KIFC3: variants seen among roughly 807,000 people sequenced by gnomAD.
KIFC3 encodes kinesin family member C3.
A neutral mutation model predicts 101.8 loss-of-function variants in KIFC3; 60 were observed. The observed-to-expected ratio is 0.59, with a 90% CI of 0.48 to 0.73. The LOEUF is 0.73. KIFC3 is among the 30% of genes least tolerant of loss of function. The probability of loss-of-function intolerance (pLI) is 0.00; values close to 1 mark genes in which losing one functional copy is unlikely to be tolerated. For missense variants in KIFC3, 966 were observed against 1,137.1 expected, an observed-to-expected ratio of 0.85 and a Z score of 2.16; for synonymous variants, 476 against 482.7, an observed-to-expected ratio of 0.99 and a Z score of 0.18.
chr16:57,798,625 G>T, intron 1 of KIFC3: 2 of 397,356 alleles, frequency 5.0e-6, no homozygotes, highest in Non-Finnish European at 9.2e-6. Flanking sequence ...CGAGTCAGCA[G>T]CATCTCCGTA....
At chr16:57,812,352 TAAAA>T (rs71152299) in intron 1 of KIFC3, among the ~76,000 whole-genome samples, 1 of 137,600 alleles carries the variant, frequency 7.3e-6, no homozygotes, top group African/African-American at 2.7e-5. Context: ...CCCCATCTCT[TAAAA>T]AAAAAAAAAA....
At chr16:57,772,198 C>A (rs183134030) in intron 4 of KIFC3, 25 bp downstream of exon 4, 2 of 1,608,238 alleles carry the variant, frequency 1.2e-6, no homozygotes, top group Non-Finnish European at 1.7e-6. Context: ...CCCTGCGCTA[C>A]CCCAGGACAG....
intron 3 of KIFC3, among the ~76,000 whole-genome samples, chr16:57,792,850 G>C (rs1300362647): frequency 9.3e-6 from 1 of 106,988 alleles, no homozygotes; most frequent in Non-Finnish European, 1.7e-5. Context: ...CTGGGCAACA[G>C]AGCCAGACCT....
Position 57,844,739 on chromosome 16 carries a change from G to A in KIFC3, c.108+17990C>T, listed in dbSNP as rs11861867. ...AACATGGTAGTCTGCAGCCCGTCTCGCTCTGACAGTCTATGGGAGCACAGT... is the reference window on the plus strand; with the variant it reads ...AACATGGTAGTCTGCAGCCCGTCTCACTCTGACAGTCTATGGGAGCACAGT... On this transcript the variant is annotated intron_variant, in intron 1 of 2. Coordinates refer to the KIFC3 transcript ENST00000563028. Among the ~76,000 whole-genome samples the A allele has an allele frequency of 3.2e-3, 486 of 152,188 alleles. 3 individuals carry two copies. The highest frequency in any genetic ancestry group is 0.01 in the African/African-American group (434 of 41,534).
At chr16:57,812,339 GC>G (rs1195655121) in intron 1 of KIFC3, among the ~76,000 whole-genome samples, 1 of 127,656 alleles carries the variant, frequency 7.8e-6, no homozygotes, top group Non-Finnish European at 1.7e-5. Context: ...ACTGCGCCCA[GC>G]CCCCCATCTC....
In KIFC3 at chr16:57,770,710, G is replaced by A. The variant is rs1194049420; in HGVS notation, c.766-10C>T. ...CTGTCTTGATGACATACTGCAGGGT[G>A]AGGGAGGAATGGCACGTGGAGCCAG... is the stretch of plus-strand genomic sequence containing the variant. On this transcript the variant is annotated splice_polypyrimidine_tract_variant and intron_variant, in intron 6 of 19. Coordinates refer to ENST00000445690, the MANE Select transcript of KIFC3 (RefSeq NM_001130100.2). 1 of 1,451,832 alleles carries A rather than the reference G, an allele frequency of 6.9e-7. No individual in the cohort carries two copies. The highest frequency in any genetic ancestry group is 9.1e-7 in the Non-Finnish European group (1 of 1,095,910). 89.9% of individuals were successfully genotyped at this position (1,451,832 alleles called of 1,614,324 possible).
Position 57,798,423 on chromosome 16 carries a change from C to G in KIFC3, c.-39-141G>C. The G allele has an allele frequency of 6.7e-6, 5 of 740,964 alleles. 1 individual carries two copies. The South Asian group carries it at 7.9e-5, about 12-fold the overall frequency. 45.9% of individuals were successfully genotyped at this position (740,964 alleles called of 1,614,324 possible). ...GCAGCAGCTCCAACTGCACTGTCCCCCAAAGACCCTAGGGCTCGCAGGATG... is the reference window on the plus strand; with the variant it reads ...GCAGCAGCTCCAACTGCACTGTCCCGCAAAGACCCTAGGGCTCGCAGGATG... On this transcript the variant is annotated intron_variant, in intron 1 of 19. Coordinates refer to ENST00000445690, the MANE Select transcript of KIFC3 (RefSeq NM_001130100.2).
intron 3 of KIFC3, chr16:57,779,946 T>C (rs1555613587): frequency 6.6e-6 from 1 of 152,152 alleles, no homozygotes; most frequent in Non-Finnish European, 1.5e-5. Context: ...ACACAAAGCA[T>C]GTCTTCTATG....
At chr16:57,764,352 A>G in intron 11 of KIFC3, 105 bp from the exon 12 acceptor site, 1 of 663,492 alleles carries the variant, frequency 1.5e-6, no homozygotes, top group East Asian at 2.7e-5. Context: ...CTTCAGCAAC[A>G]CCACATCACG....
intron 2 of KIFC3, among the ~76,000 whole-genome samples, chr16:57,795,599 T>C (rs1330878401): frequency 5.9e-5 from 9 of 152,222 alleles, no homozygotes; most frequent in African/African-American, 1.7e-4. Context: ...TGGCCCAGCC[T>C]CCGTTGCCTC....
At chr16:57,851,656 T>C (rs1256752521) in intron 1 of KIFC3, among the ~76,000 whole-genome samples, 1 of 151,758 alleles carries the variant, frequency 6.6e-6, no homozygotes, top group African/African-American at 2.4e-5. Flanking sequence ...AACCTCCGCC[T>C]TCCAGGTTCA....
At chr16:57,770,425 A>G (rs1597954512) in intron 7 of KIFC3, 102 bp downstream of exon 7, 2 of 1,082,684 alleles carry the variant, frequency 1.8e-6, no homozygotes, top group East Asian at 6.2e-5. Context: ...GAGGGACTGG[A>G]CCCCGTGTCT....
chr16:57,842,548 A>G (rs2149314273), intron 1 of KIFC3, among the ~76,000 whole-genome samples: 1 of 152,378 alleles, frequency 6.6e-6, no homozygotes, highest in African/African-American at 2.4e-5. Context: ...AAATAATTCA[A>G]TAATAATTCA....
At chr16:57,789,956 C>T (rs900004640) in intron 3 of KIFC3, among the ~76,000 whole-genome samples, 3 of 151,866 alleles carry the variant, frequency 2.0e-5, no homozygotes, top group Admixed American at 6.6e-5. Context: ...AGGCTGGTCT[C>T]GAACTCCTGA....
At chr16:57,813,866 G>C (rs144033777) in intron 1 of KIFC3, 1 of 985,398 alleles carries the variant, frequency 1.0e-6, no homozygotes, top group Non-Finnish European at 1.2e-6. Flanking sequence ...AAAGCCATGC[G>C]GTCCCTGGTA....
At chr16:57,802,992 C>T (rs782217107), upstream of KIFC3, 5 of 1,535,866 alleles carry the variant, frequency 3.3e-6, no homozygotes, top group Non-Finnish European at 3.5e-6. This position sits in a 1 kb window ranked among gnomAD's most constrained non-coding sequence, Gnocchi z 5.0. Context: ...TTACCGTGTC[C>T]TTGCACGCGC....
chr16:57,857,181 A>G (rs2056187394), intron 1 of KIFC3, among the ~76,000 whole-genome samples: 2 of 152,104 alleles, frequency 1.3e-5, no homozygotes, highest in Non-Finnish European at 2.9e-5. Flanking sequence ...AAGGATCTTC[A>G]GAGAAGGATA....
intron 11 of KIFC3, among the ~76,000 whole-genome samples, chr16:57,764,917 G>A (rs1555601371): frequency 7.0e-6 from 1 of 143,452 alleles, no homozygotes; most frequent in Non-Finnish European, 1.5e-5. Context: ...GGTGGGTGGG[G>A]CCATGCAGAT....
rs1568055704 is a variant in KIFC3 at position 57,798,153 on chromosome 16, C to CCGGCTCGGG, written c.82_90dup (p.Pro28_Pro30dup). The CCGGCTCGGG allele has an allele frequency of 1.3e-6, 2 of 1,546,268 alleles. No individual in the cohort carries two copies. Among genetic ancestry groups the CCGGCTCGGG allele is most frequent in the Non-Finnish European group, 1.7e-6 (2 of 1,145,930 alleles). On this transcript the variant is annotated inframe_insertion, in exon 2 of 20. Coordinates refer to ENST00000445690, the MANE Select transcript of KIFC3 (RefSeq NM_001130100.2). ...GGGGCTGGGGCGGGGCGAGCCATCC[C>CCGGCTCGGG]CGGCTCGGGCTCCGGGGCCCGGCCC... is the stretch of plus-strand genomic sequence containing the variant.
Sources: allele counts gnomAD v4.1 joint callset (sites outside exome capture counted in the v4.1 genomes callset), GRCh38; gene constraint gnomAD v4.1.1; non-coding constraint Gnocchi (gnomAD v3.1); transcripts MANE v1.5; gene names NCBI Gene and HGNC (gene_info 2026-07-23, HGNC 2026-07-21).